The following MTSS1 variants were observed in gnomAD, a reference collection of about 807,000 sequenced individuals.
MTSS1 encodes MTSS I-BAR domain containing 1, also known as protein MTSS 1.
MTSS1 carries 18 observed loss-of-function variants against 79.0 expected under a neutral mutation model. That is an observed-to-expected ratio of 0.23 (90% CI 0.16 to 0.34). The LOEUF (loss-of-function observed/expected upper bound fraction) is 0.34. MTSS1 is among the 10% of genes least tolerant of loss of function. The pLI, the probability that MTSS1 is intolerant of heterozygous loss-of-function variation, is 1.00. For missense variants in MTSS1, 815 were observed against 986.2 expected, an observed-to-expected ratio of 0.83 and a Z score of 2.33; for synonymous variants, 341 against 368.6, an observed-to-expected ratio of 0.93 and a Z score of 0.86.
intron 3 of MTSS1, among the ~76,000 whole-genome samples, chr8:124,698,394 G>A (rs976429903): frequency 2.0e-5 from 3 of 151,994 alleles, no homozygotes; most frequent in African/African-American, 4.8e-5. Context: ...AGAAAGACAA[G>A]GCAAAGTAAG....
chr8:124,552,221 C>T lies in MTSS1; in HGVS notation c.*771G>A, dbSNP rs1822625435. 6.5e-6 allele frequency: 1 copy of T among 152,692 alleles called. No homozygotes were observed. The highest frequency in any genetic ancestry group is 2.4e-5 in the African/African-American group (1 of 41,438). 9.5% of individuals were successfully genotyped at this position (152,692 alleles called of 1,614,324 possible). A position where few individuals can be genotyped will look rare whatever the true frequency, so the allele number is the denominator to read the frequency against. ...GGTGCTGTGTGCAGTCCAGAGGAAT[C>T]ATGGGAGAAAGGAAGTCAAGTCCTT... On this transcript the variant is annotated 3_prime_UTR_variant, in exon 14 of 14. Coordinates refer to ENST00000518547, the MANE Select transcript of MTSS1 (RefSeq NM_014751.6).
intron 6 of MTSS1, among the ~76,000 whole-genome samples, chr8:124,571,486 T>C (rs773977356): frequency 1.5e-4 from 23 of 152,350 alleles, no homozygotes; most frequent in Non-Finnish European, 2.4e-4. Flanking sequence ...AGAGGGCTAC[T>C]TCTAGTCTCT....
Position 124,697,298 on chromosome 8 carries a change from G to A in MTSS1, c.208+2228C>T, listed in dbSNP as rs904580536. On this transcript the variant is annotated intron_variant, in intron 3 of 13. Coordinates refer to ENST00000518547, the MANE Select transcript of MTSS1 (RefSeq NM_014751.6). Reference sequence around the variant, plus strand: ...TTCTGGGCCAGGCACGGTGGCTCACGCCTGTAATCCCAGCACTATGGGAGG... The same window carrying A: ...TTCTGGGCCAGGCACGGTGGCTCACACCTGTAATCCCAGCACTATGGGAGG... 4.6e-5 allele frequency among the ~76,000 whole-genome samples: 7 copies of A among 151,086 alleles called. No homozygotes were observed. The East Asian group carries it at 5.8e-4, about 13-fold the overall frequency.
intron 3 of MTSS1, among the ~76,000 whole-genome samples, chr8:124,695,817 G>A (rs1828712195): frequency 2.0e-5 from 3 of 149,260 alleles, no homozygotes; most frequent in South Asian, 4.2e-4. Context: ...AGGTCACACA[G>A]GTATATTTTA....
intron 3 of MTSS1, among the ~76,000 whole-genome samples, chr8:124,692,869 G>A (rs576412701): frequency 6.6e-6 from 1 of 152,232 alleles, no homozygotes; most frequent in South Asian, 2.1e-4. Flanking sequence ...GCACCCTGCT[G>A]AAGGCCAGAT....
intron 3 of MTSS1, among the ~76,000 whole-genome samples, chr8:124,612,104 AT>A (rs1563857464): frequency 6.6e-6 from 1 of 152,260 alleles, no homozygotes; most frequent in Non-Finnish European, 1.5e-5. Context: ...GGCAGGAATT[AT>A]CTGCTGCAGG....
intron 3 of MTSS1, among the ~76,000 whole-genome samples, chr8:124,667,824 T>C (rs1823387947): frequency 6.6e-6 from 1 of 151,562 alleles, no homozygotes; most frequent in Non-Finnish European, 1.5e-5. Context: ...ACACCTATAA[T>C]CCCAACACTT....
At chr8:124,611,754 TC>T (rs745562232) in intron 3 of MTSS1, among the ~76,000 whole-genome samples, 3 of 152,184 alleles carry the variant, frequency 2.0e-5, no homozygotes, top group Non-Finnish European at 4.4e-5. Context: ...TTTTTAAAAC[TC>T]CAGTTTACTT....
At chr8:124,696,005 G>T (rs558122598) in intron 3 of MTSS1, among the ~76,000 whole-genome samples, 98 of 149,296 alleles carry the variant, frequency 6.6e-4, no homozygotes, top group African/African-American at 2.3e-3. Context: ...TTTTTTTTTT[G>T]GACACAGAGT....
chr8:124,590,973 C>T (rs1288391955), intron 4 of MTSS1, among the ~76,000 whole-genome samples, 178 bp downstream of exon 4: 2 of 152,212 alleles, frequency 1.3e-5, no homozygotes, highest in East Asian at 1.9e-4. Flanking sequence ...TGATCTGCTG[C>T]ACCCCCAGGG....
intron 3 of MTSS1, among the ~76,000 whole-genome samples, chr8:124,599,048 A>G (rs1833263225): frequency 6.6e-6 from 1 of 152,250 alleles, no homozygotes; most frequent in Non-Finnish European, 1.5e-5. Context: ...ACAAAACAGC[A>G]GCTGGAACCC....
At chr8:124,654,868 G>T (rs991088493) in intron 3 of MTSS1, among the ~76,000 whole-genome samples, 3 of 152,174 alleles carry the variant, frequency 2.0e-5, no homozygotes. Flanking sequence ...ACCACCTGAG[G>T]TTCAGATAAT....
chr8:124,556,437 G>A lies in MTSS1; in HGVS notation c.1231-32C>T, dbSNP rs373836065. On this transcript the variant is annotated intron_variant, in intron 11 of 13. Coordinates refer to ENST00000518547, the MANE Select transcript of MTSS1 (RefSeq NM_014751.6). ...AAAACAAGTGCGGTCAGGAGCCAGG[G>A]CCTCTGCCTCCACTGGAGGGCTGCG... 3.4e-5 allele frequency: 54 copies of A among 1,576,572 alleles called. No individual in the cohort carries two copies. In the African/African-American group the frequency reaches 6.9e-4, roughly 20 times the overall value.
Position 124,617,354 on chromosome 8 carries a change from C to T in MTSS1, c.209-26119G>A, listed in dbSNP as rs111565967. Among the ~76,000 whole-genome samples, 10 of 152,250 alleles carry T rather than the reference C, an allele frequency of 6.6e-5. No homozygotes were observed. The East Asian group carries it at 9.7e-4, about 15-fold the overall frequency. The stretch of plus-strand genomic sequence containing the variant: ...GGTCCCAGGGGGCTCCCATTCAGAC[C>T]GCGAGCAGACGTGGTGGCCCAAAGG... On this transcript the variant is annotated intron_variant, in intron 3 of 13. Coordinates refer to ENST00000518547, the MANE Select transcript of MTSS1 (RefSeq NM_014751.6).
At chr8:124,715,204 A>G (rs1455775251) in intron 1 of MTSS1, among the ~76,000 whole-genome samples, 1 of 152,138 alleles carries the variant, frequency 6.6e-6, no homozygotes, top group Non-Finnish European at 1.5e-5. Flanking sequence ...CTTGGGGCCA[A>G]TCTCTCCAAT....
intron 5 of MTSS1, 149 bp from the exon 6 acceptor site, chr8:124,585,310 G>A: frequency 3.1e-6 from 2 of 646,928 alleles, no homozygotes; most frequent in East Asian, 5.3e-5. Context: ...ATAATCTCAT[G>A]ATGACATTTA....
intron 3 of MTSS1, among the ~76,000 whole-genome samples, chr8:124,621,637 C>T (rs1287078434): frequency 2.0e-5 from 3 of 152,174 alleles, no homozygotes; most frequent in Non-Finnish European, 4.4e-5. Flanking sequence ...CTCCACCTCC[C>T]GGGTTCAAGT....
At chr8:124,629,722 A>G (rs539588277) in intron 3 of MTSS1, among the ~76,000 whole-genome samples, 3 of 152,078 alleles carry the variant, frequency 2.0e-5, no homozygotes, top group South Asian at 2.1e-4. Context: ...GGTAGTTTCC[A>G]TCGTAACACA....
At chr8:124,711,190 C>A (rs1831112759) in intron 1 of MTSS1, among the ~76,000 whole-genome samples, 1 of 152,144 alleles carries the variant, frequency 6.6e-6, no homozygotes, top group Non-Finnish European at 1.5e-5. Flanking sequence ...TTTACATATC[C>A]ATCATCTGGG....
Sources: allele counts gnomAD v4.1 joint callset (sites outside exome capture counted in the v4.1 genomes callset), GRCh38; gene constraint gnomAD v4.1.1; transcripts MANE v1.5; gene names NCBI Gene and HGNC (gene_info 2026-07-23, HGNC 2026-07-21).